GRM8: variants seen among roughly 807,000 people sequenced by gnomAD.
GRM8 encodes metabotropic glutamate receptor 8.
GRM8 carries 47 observed loss-of-function variants against 87.2 expected under a neutral mutation model. The observed-to-expected ratio is 0.54, with a 90% CI of 0.43 to 0.69. GRM8 has a LOEUF of 0.69. Ranked by LOEUF, GRM8 falls within the 30% of genes least tolerant of loss-of-function variation. The pLI, the probability that GRM8 is intolerant of heterozygous loss-of-function variation, is 0.00. For synonymous variants in GRM8, 396 were observed against 404.5 expected (o/e 0.98, Z 0.25); for missense variants, 1,019 against 1,139.2 (o/e 0.89, Z 1.52).
chr7:126,756,901 G>C (rs2151561254), intron 7 of GRM8, among the ~76,000 whole-genome samples: 1 of 152,080 alleles, frequency 6.6e-6, no homozygotes, highest in Non-Finnish European at 1.5e-5. Context: ...TTATTTAAAA[G>C]AATGACGATA....
chr7:126,505,089 T>C (rs570164752), intron 9 of GRM8, among the ~76,000 whole-genome samples: 1 of 152,130 alleles, frequency 6.6e-6, no homozygotes, highest in South Asian at 2.1e-4. Context: ...GCAATTCTTG[T>C]CACCAATTAG....
At chr7:126,782,968 A>G (rs1330093063) in intron 6 of GRM8, among the ~76,000 whole-genome samples, 1 of 152,144 alleles carries the variant, frequency 6.6e-6, no homozygotes, top group African/African-American at 2.4e-5. Context: ...AGGGACAGGG[A>G]CCAGACAAGA....
intron 6 of GRM8, among the ~76,000 whole-genome samples, chr7:126,785,257 G>C (rs1160658817): frequency 6.6e-6 from 1 of 152,106 alleles, no homozygotes; most frequent in Non-Finnish European, 1.5e-5. Flanking sequence ...AGACAGACTC[G>C]GGTATTGGAG....
chr7:126,486,884 A>G (rs1164338195), intron 9 of GRM8, among the ~76,000 whole-genome samples: 1 of 152,064 alleles, frequency 6.6e-6, no homozygotes, highest in Non-Finnish European at 1.5e-5. Context: ...AACTGGAAAA[A>G]CAAAATTTGA....
At position 126,563,296 on chromosome 7, in the gene GRM8, T is replaced by TAA. The variant is rs763257180; in HGVS notation, c.1495-29410_1495-29409insTT. Among the ~76,000 whole-genome samples, 226 of 128,728 alleles carry TAA rather than the reference T, an allele frequency of 1.8e-3. 3 individuals are homozygous for TAA. Among genetic ancestry groups the TAA allele is most frequent in the South Asian group, 0.012 (46 of 3,714 alleles). 84.5% of individuals were successfully genotyped at this position (128,728 alleles called of 152,430 possible). A position where few individuals can be genotyped will look rare whatever the true frequency, so the allele number is the denominator to read the frequency against. ...CTTCTACTTGCCCTGTGGTTTTTTT[T>TAA]TAAAAAAAAAACATATTTAATCAAA... On this transcript the variant is annotated intron_variant, in intron 8 of 10. Coordinates refer to ENST00000339582, the MANE Select transcript of GRM8 (RefSeq NM_000845.3).
chr7:126,778,459 G>GT (rs1252616845), intron 6 of GRM8, among the ~76,000 whole-genome samples: 2 of 152,108 alleles, frequency 1.3e-5, no homozygotes, highest in Non-Finnish European at 2.9e-5. Flanking sequence ...GATTAAGAGT[G>GT]TATCTTCAGG....
At chr7:127,047,762 T>C (rs1200262421) in intron 3 of GRM8, among the ~76,000 whole-genome samples, 2 of 151,972 alleles carry the variant, frequency 1.3e-5, no homozygotes, top group Non-Finnish European at 2.9e-5. Context: ...GAACCAGAGG[T>C]TGAGGTTAAG....
intron 7 of GRM8, among the ~76,000 whole-genome samples, chr7:126,654,025 GT>G (rs1263393893): frequency 6.6e-6 from 1 of 152,216 alleles, no homozygotes; most frequent in African/African-American, 2.4e-5. Flanking sequence ...TCATAAGACA[GT>G]TACAGCTTTC....
At chr7:126,821,755 T>C (rs997435021) in intron 6 of GRM8, among the ~76,000 whole-genome samples, 4 of 152,230 alleles carry the variant, frequency 2.6e-5, no homozygotes, top group African/African-American at 7.2e-5. Flanking sequence ...ATAACCATGG[T>C]ACAATTATCA....
intron 6 of GRM8, among the ~76,000 whole-genome samples, chr7:126,856,054 C>T (rs1411921439): frequency 6.6e-6 from 1 of 152,076 alleles, no homozygotes; most frequent in East Asian, 1.9e-4. Context: ...GAACTTTCAT[C>T]AGCTTTTTGT....
chr7:127,161,789 T>C (rs779757990), intron 2 of GRM8, among the ~76,000 whole-genome samples: 4 of 152,068 alleles, frequency 2.6e-5, no homozygotes, highest in Admixed American at 6.6e-5. Context: ...AATAAAAATA[T>C]ATGTATAAAA....
intron 3 of GRM8, among the ~76,000 whole-genome samples, chr7:126,989,419 T>C (rs1231743050): frequency 6.6e-6 from 1 of 152,236 alleles, no homozygotes; most frequent in African/African-American, 2.4e-5. Flanking sequence ...TGCCTGATTA[T>C]TCAAGCTTAT....
At chr7:127,128,493 A>G (rs1827499602) in intron 2 of GRM8, among the ~76,000 whole-genome samples, 1 of 152,070 alleles carries the variant, frequency 6.6e-6, no homozygotes, top group Non-Finnish European at 1.5e-5. Context: ...CAGGTTTACC[A>G]CTCACTCTTA....
chr7:127,151,553 G>A (rs964149079), intron 2 of GRM8, among the ~76,000 whole-genome samples: 1 of 152,030 alleles, frequency 6.6e-6, no homozygotes, highest in Admixed American at 6.6e-5. Context: ...GTTCACATAG[G>A]AGGCGATCGG....
chr7:127,180,581 T>C (rs997127514), intron 2 of GRM8, among the ~76,000 whole-genome samples: 4 of 152,094 alleles, frequency 2.6e-5, no homozygotes, highest in African/African-American at 4.8e-5. Context: ...TTGAAGAACA[T>C]TGATGCTAAA....
At chr7:127,207,763 A>G (rs1795994936) in intron 2 of GRM8, among the ~76,000 whole-genome samples, 1 of 152,078 alleles carries the variant, frequency 6.6e-6, no homozygotes, top group Admixed American at 6.5e-5. Context: ...AGACGCAACA[A>G]CTGACCAGCA....
chr7:127,123,607 C>A (rs897269471), intron 2 of GRM8, among the ~76,000 whole-genome samples: 2 of 152,104 alleles, frequency 1.3e-5, no homozygotes, highest in African/African-American at 4.8e-5. Context: ...GCCAAATAAA[C>A]CTTTTTTCTT....
At chr7:126,577,528 T>C (rs140146611) in intron 8 of GRM8, among the ~76,000 whole-genome samples, 1 of 151,944 alleles carries the variant, frequency 6.6e-6, no homozygotes, top group African/African-American at 2.4e-5. Context: ...ACTATGAAGT[T>C]CTACTCTAAT....
At chr7:126,702,304 A>G (rs905951573) in intron 7 of GRM8, among the ~76,000 whole-genome samples, 1 of 152,156 alleles carries the variant, frequency 6.6e-6, no homozygotes, top group African/African-American at 2.4e-5. Context: ...GGACAGGTGT[A>G]ATGAGGGGAG....
Sources: allele counts gnomAD v4.1 joint callset (sites outside exome capture counted in the v4.1 genomes callset), GRCh38; gene constraint gnomAD v4.1.1; transcripts MANE v1.5; gene names NCBI Gene and HGNC (gene_info 2026-07-23, HGNC 2026-07-21).